RAD51B: variants seen among roughly 807,000 people sequenced by gnomAD.
RAD51B encodes DNA repair protein RAD51 homolog 2.
Under a neutral mutation model 42.2 loss-of-function variants are expected in RAD51B, and 38 were observed. That is an observed-to-expected ratio of 0.90 (90% CI 0.70 to 1.18). RAD51B has a LOEUF of 1.18. RAD51B is among the 50% of genes most tolerant of loss of function. RAD51B has a pLI of 0.00. For synonymous variants in RAD51B, 154 were observed against 145.2 expected (o/e 1.06, Z -0.43); for missense variants, 373 against 400.7 (o/e 0.93, Z 0.59).
At chr14:68,189,805 A>G (rs1375353451) in intron 7 of RAD51B, among the ~76,000 whole-genome samples, 1 of 152,090 alleles carries the variant, frequency 6.6e-6, no homozygotes, top group African/African-American at 2.4e-5. Context: ...AACTGGGATT[A>G]CAGGCACCCA....
intron 7 of RAD51B, among the ~76,000 whole-genome samples, chr14:68,042,997 A>G (rs2076240810): frequency 6.6e-6 from 1 of 152,196 alleles, no homozygotes; most frequent in African/African-American, 2.4e-5. Flanking sequence ...ATCAGAATGT[A>G]GGTGATCCTT....
intron 8 of RAD51B, among the ~76,000 whole-genome samples, chr14:68,341,635 C>A (rs1236909825): frequency 6.6e-6 from 1 of 152,166 alleles, no homozygotes. Flanking sequence ...GTTTCATTCG[C>A]AGCAGGTTTT....
intron 7 of RAD51B, among the ~76,000 whole-genome samples, chr14:68,008,455 C>T (rs933782723): frequency 6.6e-6 from 1 of 151,896 alleles, no homozygotes; most frequent in African/African-American, 2.4e-5. Context: ...AATAAACATT[C>T]CATCATATTG....
chr14:68,018,905 G>A (rs2075819939), intron 7 of RAD51B, among the ~76,000 whole-genome samples: 2 of 152,082 alleles, frequency 1.3e-5, no homozygotes, highest in Non-Finnish European at 2.9e-5. Flanking sequence ...GAAAACTTGG[G>A]TAATTATTCT....
chr14:68,665,319 C>G (rs1308305907), intron 11 of RAD51B, among the ~76,000 whole-genome samples: 1 of 152,266 alleles, frequency 6.6e-6, no homozygotes, highest in Non-Finnish European at 1.5e-5. Context: ...TGTTGCTCTG[C>G]CCTTCAGGCA....
At chr14:68,136,383 T>G (rs61987544) in intron 7 of RAD51B, among the ~76,000 whole-genome samples, 64,051 of 102,554 alleles carry the variant, frequency 0.62, 23,311 homozygotes, top group East Asian at 0.87. Context: ...ATCGAGACCA[T>G]CCTGTCCAAC....
At chr14:68,377,649 T>C (rs891731329) in intron 8 of RAD51B, among the ~76,000 whole-genome samples, 10 of 152,244 alleles carry the variant, frequency 6.6e-5, no homozygotes, top group Admixed American at 2.6e-4. Context: ...AATACCAGTA[T>C]CTGTCTGGAG....
intron 7 of RAD51B, among the ~76,000 whole-genome samples, chr14:68,032,853 T>C (rs1349603182): frequency 6.6e-6 from 1 of 152,134 alleles, no homozygotes; most frequent in Non-Finnish European, 1.5e-5. Context: ...ACTATTACCC[T>C]GTGCATGCCC....
At chr14:68,428,556 A>T (rs1193341831) in intron 9 of RAD51B, among the ~76,000 whole-genome samples, 1 of 151,644 alleles carries the variant, frequency 6.6e-6, no homozygotes, top group Non-Finnish European at 1.5e-5. Context: ...CCTGGAAATC[A>T]TCATTCATCA....
intron 7 of RAD51B, among the ~76,000 whole-genome samples, chr14:67,999,582 C>T (rs1566567976): frequency 6.6e-6 from 1 of 152,182 alleles, no homozygotes; most frequent in Non-Finnish European, 1.5e-5. Context: ...CCATGACTTA[C>T]TATTGTATTA....
chr14:68,165,710 T>A (rs1352943824), intron 7 of RAD51B, among the ~76,000 whole-genome samples: 4 of 152,168 alleles, frequency 2.6e-5, no homozygotes, highest in African/African-American at 9.7e-5. Context: ...GGGCTCTAAG[T>A]CTCATGCCAG....
At chr14:67,893,629 C>T (rs1160472525) in intron 7 of RAD51B, among the ~76,000 whole-genome samples, 1 of 151,978 alleles carries the variant, frequency 6.6e-6, no homozygotes, top group Non-Finnish European at 1.5e-5. Flanking sequence ...TATGAACATG[C>T]CACTGCATTC....
At chr14:68,208,487 A>G (rs945602221) in intron 7 of RAD51B, among the ~76,000 whole-genome samples, 4 of 152,212 alleles carry the variant, frequency 2.6e-5, no homozygotes, top group Non-Finnish European at 4.4e-5. Context: ...TTCTAACAGG[A>G]TCATGTCCGT....
At chr14:68,033,362 C>T (rs893986073) in intron 7 of RAD51B, among the ~76,000 whole-genome samples, 7 of 152,142 alleles carry the variant, frequency 4.6e-5, no homozygotes, top group African/African-American at 1.7e-4. Context: ...TTCACACATT[C>T]CCTAATTTTA....
At chr14:67,919,161 G>A (rs1343415614) in intron 7 of RAD51B, among the ~76,000 whole-genome samples, 1 of 152,194 alleles carries the variant, frequency 6.6e-6, no homozygotes, top group Non-Finnish European at 1.5e-5. Flanking sequence ...TCAGACATTA[G>A]GGAATAAACT....
chr14:68,261,489 C>T (rs1290823765), intron 7 of RAD51B, among the ~76,000 whole-genome samples: 1 of 152,198 alleles, frequency 6.6e-6, no homozygotes, highest in African/African-American at 2.4e-5. Context: ...TTCAACTGTG[C>T]ACTCTCTCTT....
chr14:68,509,880 T>C (rs1465049343), intron 10 of RAD51B, among the ~76,000 whole-genome samples: 3 of 152,242 alleles, frequency 2.0e-5, no homozygotes, highest in Non-Finnish European at 4.4e-5. Context: ...CATGGTTTGC[T>C]TACCCCTGCT....
intron 8 of RAD51B, among the ~76,000 whole-genome samples, chr14:68,302,381 T>C (rs1476927045): frequency 1.3e-5 from 2 of 152,060 alleles, no homozygotes; most frequent in African/African-American, 2.4e-5. Flanking sequence ...GGATGGAGGC[T>C]CTCTAGGAAC....
At position 67,977,700 on chromosome 14, in the gene RAD51B, A is replaced by G. The variant is rs530547714; in HGVS notation, c.756+90496A>G. 2.0e-5 allele frequency among the ~76,000 whole-genome samples: 3 copies of G among 152,370 alleles called. No homozygotes were observed. In the South Asian group the frequency reaches 6.2e-4, roughly 32 times the overall value. Reference sequence around the variant, plus strand: ...GTTAGCTTCTTCTTGTTATTCACCAAGAAAAGTTAAAGTCAGGTAATGATA... The same window carrying G: ...GTTAGCTTCTTCTTGTTATTCACCAGGAAAAGTTAAAGTCAGGTAATGATA... On this transcript the variant is annotated intron_variant, in intron 7 of 10. Coordinates refer to ENST00000471583, the MANE Select transcript of RAD51B (RefSeq NM_133510.4).
Sources: allele counts gnomAD v4.1 joint callset (sites outside exome capture counted in the v4.1 genomes callset), GRCh38; gene constraint gnomAD v4.1.1; transcripts MANE v1.5; gene names NCBI Gene and HGNC (gene_info 2026-07-23, HGNC 2026-07-21).